Variants in ARHGAP22 observed in about 807,000 individuals in gnomAD.
The protein encoded by ARHGAP22 is rho GTPase-activating protein 22.
Under a neutral mutation model 59.1 loss-of-function variants are expected in ARHGAP22, and 48 were observed. The ratio of observed to expected loss-of-function variants is 0.81; its 90% confidence interval spans 0.64 to 1.03. ARHGAP22 has a LOEUF of 1.03. ARHGAP22 is among the 50% of genes least tolerant of loss of function. The pLI, the probability that ARHGAP22 is intolerant of heterozygous loss-of-function variation, is 0.00. For missense variants in ARHGAP22, 1,015 were observed against 958.7 expected (o/e 1.06, Z -0.78); for synonymous variants, 445 against 416.4 (o/e 1.07, Z -0.84).
chr10:48,432,771 G>A, the ARHGAP22 span, among the ~76,000 whole-genome samples: 1 of 152,148 alleles, frequency 6.6e-6, no homozygotes, highest in Admixed American at 6.5e-5. Flanking sequence ...TTGAATCTTA[G>A]TCCAGCACTT....
intron 1 of ARHGAP22, among the ~76,000 whole-genome samples, chr10:48,597,902 A>G (rs2060161343): frequency 6.6e-6 from 1 of 152,266 alleles, no homozygotes; most frequent in Admixed American, 6.5e-5. Context: ...CAGCAGAGTC[A>G]GGGCAGGATC....
intron 1 of ARHGAP22, among the ~76,000 whole-genome samples, chr10:48,598,279 G>A (rs1441305159): frequency 1.3e-5 from 2 of 152,186 alleles, no homozygotes; most frequent in African/African-American, 4.8e-5. Flanking sequence ...CCTCTTCTGG[G>A]TACAAACAGC....
chr10:48,620,936 C>T lies in ARHGAP22; in HGVS notation c.52+31298G>A, dbSNP rs550025777. Among the ~76,000 whole-genome samples, 31 of 152,380 alleles carry T rather than the reference C, an allele frequency of 2.0e-4. 1 individual carries two copies. Among genetic ancestry groups the T allele is most frequent in the African/African-American group, 7.5e-4 (31 of 41,594 alleles). ...CCTTCCTCAGAGGGAGGAGTTCAGG[C>T]TGCCAGTTACAAACACCATGGCCTT... is the stretch of plus-strand genomic sequence containing the variant. On this transcript the variant is annotated intron_variant, in intron 1 of 9. Transcript: ENST00000435790.
At chr10:48,601,818 CA>C (rs2060399995) in intron 1 of ARHGAP22, among the ~76,000 whole-genome samples, 1 of 152,202 alleles carries the variant, frequency 6.6e-6, no homozygotes, top group Non-Finnish European at 1.5e-5. Context: ...AATCCAACCT[CA>C]AACATTCTAT....
chr10:48,571,225 C>G (rs1435194968), intron 2 of ARHGAP22, among the ~76,000 whole-genome samples: 1 of 152,174 alleles, frequency 6.6e-6, no homozygotes, highest in Non-Finnish European at 1.5e-5. Flanking sequence ...CGCTACCACC[C>G]AGTAGACCAC....
chr10:48,488,693 T>G (rs1461787698), intron 3 of ARHGAP22, among the ~76,000 whole-genome samples: 1 of 152,202 alleles, frequency 6.6e-6, no homozygotes, highest in African/African-American at 2.4e-5. Context: ...CAGGAACAGG[T>G]GCCATGCTTT....
chr10:48,502,384 C>T (rs572389053), intron 3 of ARHGAP22, among the ~76,000 whole-genome samples: 1 of 152,198 alleles, frequency 6.6e-6, no homozygotes, highest in Non-Finnish European at 1.5e-5. Flanking sequence ...GGGGTGGTCT[C>T]TGCAGTGCAG....
chr10:48,580,364 T>C (rs772615112), intron 2 of ARHGAP22, among the ~76,000 whole-genome samples: 24 of 152,084 alleles, frequency 1.6e-4, no homozygotes, highest in Non-Finnish European at 1.5e-4. Context: ...AGCTAGCTGA[T>C]GGGTGAGGGC....
At chr10:48,567,754 C>T (rs185239511) in intron 2 of ARHGAP22, among the ~76,000 whole-genome samples, 36 of 152,164 alleles carry the variant, frequency 2.4e-4, no homozygotes, top group African/African-American at 8.7e-4. Context: ...TATCTCTCCC[C>T]CTGAGTCAAC....
chr10:48,452,332 G>A (rs1250042265), intron 8 of ARHGAP22, among the ~76,000 whole-genome samples: 1 of 152,170 alleles, frequency 6.6e-6, no homozygotes. Context: ...TAGGAATCCT[G>A]GAAGAAGTCA....
chr10:48,562,892 T>A (rs1187040778), intron 2 of ARHGAP22, among the ~76,000 whole-genome samples: 2 of 152,210 alleles, frequency 1.3e-5, no homozygotes, highest in Non-Finnish European at 2.9e-5. Flanking sequence ...ACTAAAAATG[T>A]AGCGGCTCAA....
intron 8 of ARHGAP22, among the ~76,000 whole-genome samples, chr10:48,452,569 C>T (rs1427836311): frequency 6.6e-6 from 1 of 152,228 alleles, no homozygotes; most frequent in Non-Finnish European, 1.5e-5. Flanking sequence ...CAAGAACAGC[C>T]TCAGCTGTGG....
intron 3 of ARHGAP22, among the ~76,000 whole-genome samples, chr10:48,512,889 G>A (rs182286738): frequency 1.3e-5 from 2 of 152,292 alleles, no homozygotes; most frequent in East Asian, 1.9e-4. Flanking sequence ...GGACAAGGCC[G>A]CATCTAGAGA....
intron 1 of ARHGAP22, among the ~76,000 whole-genome samples, chr10:48,584,957 G>C (rs905427857): frequency 1.3e-4 from 19 of 147,376 alleles, no homozygotes; most frequent in Non-Finnish European, 2.2e-4. Flanking sequence ...TTGCGCCACT[G>C]CACTCCAGCC....
rs376264884 is a variant in ARHGAP22, at chr10:48,511,182, C to G, written c.323-31418G>C. On this transcript the variant is annotated intron_variant, in intron 3 of 9. Transcript: ENST00000249601. ...ACAAAGGACCTTGGTTGCCCTGGCC[C>G]TCATCAGGAAGATGGTGTGTGGTAC... is the stretch of plus-strand genomic sequence containing the variant. Among the ~76,000 whole-genome samples the G allele has an allele frequency of 8.5e-5, 13 of 152,338 alleles. No homozygotes were observed. The East Asian group carries it at 2.5e-3, about 29-fold the overall frequency.
At chr10:48,546,598 G>T in intron 3 of ARHGAP22, 1 of 162,376 alleles carries the variant, frequency 6.2e-6, no homozygotes, top group Admixed American at 6.1e-5. Context: ...AGCTAACATG[G>T]CATTACCATA....
chr10:48,437,638 A>G, the ARHGAP22 span: 1 of 152,208 alleles, frequency 6.6e-6, no homozygotes, highest in African/African-American at 2.4e-5. Flanking sequence ...GTTATACTAT[A>G]CGCAGATAGA....
chr10:48,459,946 G>A, intron 4 of ARHGAP22, 55 bp from the exon 5 acceptor site: 1 of 1,555,102 alleles, frequency 6.4e-7, no homozygotes, highest in Non-Finnish European at 8.7e-7. Context: ...AGTGTTGGGT[G>A]CTCAGGACAA....
At chr10:48,599,812 A>G (rs980158057) in intron 1 of ARHGAP22, among the ~76,000 whole-genome samples, 2 of 152,096 alleles carry the variant, frequency 1.3e-5, no homozygotes, top group Non-Finnish European at 2.9e-5. Flanking sequence ...GCCTGTCTCC[A>G]CCTTTCATTT....
Sources: allele counts gnomAD v4.1 joint callset (sites outside exome capture counted in the v4.1 genomes callset), GRCh38; gene constraint gnomAD v4.1.1; transcripts MANE v1.5; gene names NCBI Gene and HGNC (gene_info 2026-07-23, HGNC 2026-07-21).